The following UNC13C variants were observed in gnomAD, a reference collection of about 807,000 sequenced individuals.
UNC13C encodes the protein protein unc-13 homolog C.
Under a neutral mutation model 245.4 loss-of-function variants are expected in UNC13C, and 174 were observed. The observed-to-expected ratio is 0.71, with a 90% confidence interval of 0.63 to 0.80. The LOEUF (loss-of-function observed/expected upper bound fraction) is 0.80. Among genes scored for constraint, UNC13C ranks in the 30% least tolerant of loss-of-function variants. The pLI is 0.00. For missense variants in UNC13C, 2,829 were observed against 2,602.9 expected, an observed-to-expected ratio of 1.09 and a Z score of -1.89; for synonymous variants, 992 against 895.1, an observed-to-expected ratio of 1.11 and a Z score of -1.93.
intron 4 of UNC13C, among the ~76,000 whole-genome samples, chr15:54,222,390 C>A (rs906788619): frequency 2.0e-5 from 3 of 152,004 alleles, no homozygotes; most frequent in African/African-American, 7.2e-5. Flanking sequence ...AAAAGAATGA[C>A]CTCCAGTTCC....
chr15:54,168,531 T>C (rs915583784), intron 4 of UNC13C, among the ~76,000 whole-genome samples: 4 of 152,190 alleles, frequency 2.6e-5, no homozygotes, highest in African/African-American at 4.8e-5. Context: ...TTTTATATGC[T>C]ACTAAGCAAA....
chr15:54,009,862 G>A (rs1280790603), intron 1 of UNC13C, among the ~76,000 whole-genome samples: 1 of 152,120 alleles, frequency 6.6e-6, no homozygotes, highest in African/African-American at 2.4e-5. Context: ...GGATTCCATT[G>A]CAGGTAATCT....
intron 2 of UNC13C, among the ~76,000 whole-genome samples, chr15:54,107,403 T>A (rs1176915198): frequency 1.3e-5 from 2 of 152,180 alleles, no homozygotes; most frequent in Non-Finnish European, 2.9e-5. Flanking sequence ...TGGTTTAGTT[T>A]TTGATGCACT....
intron 30 of UNC13C, among the ~76,000 whole-genome samples, chr15:54,603,337 T>C (rs1489621676): frequency 6.6e-6 from 1 of 152,216 alleles, no homozygotes; most frequent in East Asian, 1.9e-4. Flanking sequence ...CAATTATTGA[T>C]GAGAAAAACA....
chr15:54,626,237 G>C (rs993683850), intron 32 of UNC13C, among the ~76,000 whole-genome samples: 1 of 152,080 alleles, frequency 6.6e-6, no homozygotes, highest in South Asian at 2.1e-4. Flanking sequence ...ACACTTGACA[G>C]GTCTAACTGT....
chr15:54,015,738 G>A lies in UNC13C; in HGVS notation c.2835G>A (p.Met945Ile), dbSNP rs775582205. The A allele has an allele frequency of 1.1e-5, 18 of 1,613,264 alleles. No homozygotes were observed. Among genetic ancestry groups the A allele is most frequent in the Non-Finnish European group, 1.4e-5 (17 of 1,179,634 alleles). The change falls in exon 2 of 33, where the codon ATG becomes ATA. Residue 945 changes from methionine (M) to isoleucine (I), a missense_variant. Coordinates refer to ENST00000260323, the MANE Select transcript of UNC13C (RefSeq NM_001080534.3). ...LEPLNETSAEMEIREDENQNI... is the reference protein window; with the variant it reads ...LEPLNETSAEIEIREDENQNI... The stretch of plus-strand genomic sequence containing the variant: ...CCTTAAATGAAACATCAGCTGAGAT[G>A]GAAATAAGAGAAGATGAAAACCAAA...
In UNC13C at chr15:54,012,832, T is replaced by C; in HGVS notation, c.-72T>C. 1 of 1,228,178 alleles carries C rather than the reference T, an allele frequency of 8.1e-7. No homozygotes were observed. Among genetic ancestry groups the C allele is most frequent in the East Asian group, 2.3e-5 (1 of 42,946 alleles). 76.1% of individuals were successfully genotyped at this position (1,228,178 alleles called of 1,614,324 possible). ...AACTTCTGAACAGTGATGCTTGCCT[T>C]GGATTTTCAGGTTTTCATCCTGATA... On this transcript the variant is annotated 5_prime_UTR_variant, in exon 2 of 33. Coordinates refer to ENST00000260323, the MANE Select transcript of UNC13C (RefSeq NM_001080534.3).
intron 15 of UNC13C, 63 bp from the exon 16 acceptor site, chr15:54,333,704 T>C: frequency 9.3e-7 from 1 of 1,074,812 alleles, no homozygotes; most frequent in East Asian, 2.6e-5. Flanking sequence ...CTAGTTTTAG[T>C]TTATTTTCCC....
chr15:54,290,198 A>C (rs867599658), intron 10 of UNC13C, among the ~76,000 whole-genome samples: 1 of 152,020 alleles, frequency 6.6e-6, no homozygotes, highest in South Asian at 2.1e-4. Flanking sequence ...AATATTCCTC[A>C]AAAAAAGCTG....
At chr15:54,200,388 A>G (rs917750427) in intron 4 of UNC13C, among the ~76,000 whole-genome samples, 4 of 152,122 alleles carry the variant, frequency 2.6e-5, no homozygotes, top group East Asian at 3.9e-4. Flanking sequence ...CATTTTATTC[A>G]TCAGCACATG....
chr15:54,031,148 G>A (rs1359175881), intron 2 of UNC13C, among the ~76,000 whole-genome samples: 2 of 152,090 alleles, frequency 1.3e-5, no homozygotes, highest in Non-Finnish European at 2.9e-5. Flanking sequence ...CAGTTGATAA[G>A]CTGCATCTCC....
intron 4 of UNC13C, among the ~76,000 whole-genome samples, chr15:54,169,075 A>G (rs2033289248): frequency 6.6e-6 from 1 of 152,200 alleles, no homozygotes; most frequent in South Asian, 2.1e-4. Context: ...AATGGCAAGG[A>G]AACATTTTAC....
the UNC13C span, among the ~76,000 whole-genome samples, chr15:53,936,232 C>G: frequency 1.2e-4 from 18 of 152,006 alleles, no homozygotes; most frequent in East Asian, 1.7e-3. Context: ...CAGTCCAGAA[C>G]AGCAGTCTTC....
intron 4 of UNC13C, among the ~76,000 whole-genome samples, chr15:54,156,461 T>G (rs927065324): frequency 1.3e-5 from 2 of 152,164 alleles, no homozygotes; most frequent in Non-Finnish European, 2.9e-5. Flanking sequence ...AAAGACCTCT[T>G]CAGGAAACAA....
chr15:53,950,270 A>T, the UNC13C span, among the ~76,000 whole-genome samples: 4 of 152,212 alleles, frequency 2.6e-5, no homozygotes, highest in African/African-American at 9.6e-5. Context: ...TGATGTAGAC[A>T]ATAATAGTCC....
the UNC13C span, among the ~76,000 whole-genome samples, chr15:53,892,983 G>A: frequency 6.6e-6 from 1 of 152,092 alleles, no homozygotes; most frequent in African/African-American, 2.4e-5. Flanking sequence ...GCCTTTTTGA[G>A]CTGTTTCCCC....
At chr15:54,233,939 G>A (rs1302592411) in intron 4 of UNC13C, among the ~76,000 whole-genome samples, 4 of 152,062 alleles carry the variant, frequency 2.6e-5, no homozygotes, top group African/African-American at 9.7e-5. Flanking sequence ...AGTAATATTA[G>A]CATCTTGTTG....
intron 18 of UNC13C, among the ~76,000 whole-genome samples, chr15:54,398,260 A>AT (rs1409704324): frequency 2.6e-5 from 4 of 151,410 alleles, no homozygotes; most frequent in African/African-American, 9.7e-5. Context: ...GAACTAAGGA[A>AT]TTTTTAACTT....
chr15:54,445,836 C>T (rs916381758), intron 19 of UNC13C, among the ~76,000 whole-genome samples: 1 of 152,130 alleles, frequency 6.6e-6, no homozygotes, highest in Non-Finnish European at 1.5e-5. Context: ...GTTGCCATTG[C>T]TTTTGGTGTT....
Sources: gnomAD v4.1 joint callset for allele counts (sites outside exome capture counted in the v4.1 genomes callset) on GRCh38, gnomAD v4.1.1 for gene constraint, MANE v1.5 for transcripts, NCBI Gene and HGNC (gene_info 2026-07-23, HGNC 2026-07-21) for gene names.